Variants in ENTREP2 observed in about 807,000 individuals in gnomAD.
ENTREP2 encodes endosomal transmembrane epsin interactor 2.
the ENTREP2 span, among the ~76,000 whole-genome samples, chr15:29,378,513 T>A: frequency 6.6e-6 from 1 of 152,126 alleles, no homozygotes; most frequent in Non-Finnish European, 1.5e-5. Context: ...ACAAAGCAGA[T>A]TACCCTCCAT....
At chr15:29,399,428 T>C in the ENTREP2 span, among the ~76,000 whole-genome samples, 2 of 152,106 alleles carry the variant, frequency 1.3e-5, no homozygotes, top group African/African-American at 2.4e-5. Flanking sequence ...GTTATAAACA[T>C]TGGAAAGAAG....
the ENTREP2 span, chr15:29,123,568 G>C: frequency 3.2e-5 from 49 of 1,551,634 alleles, no homozygotes; most frequent in Non-Finnish European, 4.0e-5. Context: ...CTCTGGTGTT[G>C]GCCGTTGGTC....
the ENTREP2 span, among the ~76,000 whole-genome samples, chr15:29,657,170 C>G: frequency 5.3e-5 from 8 of 152,182 alleles, no homozygotes; most frequent in South Asian, 1.4e-3. Flanking sequence ...GCCTCCTCCT[C>G]CTGAGCAGCT....
At chr15:29,197,552 G>A in the ENTREP2 span, among the ~76,000 whole-genome samples, 1 of 152,190 alleles carries the variant, frequency 6.6e-6, no homozygotes, top group Admixed American at 6.5e-5. Flanking sequence ...CAGATCACAA[G>A]GTTAGGAGTT....
At chr15:29,596,813 C>T in the ENTREP2 span, among the ~76,000 whole-genome samples, 5 of 152,164 alleles carry the variant, frequency 3.3e-5, no homozygotes, top group African/African-American at 4.8e-5. Flanking sequence ...GGATTACAGG[C>T]GCCCGCTGCC....
the ENTREP2 span, among the ~76,000 whole-genome samples, chr15:29,176,809 C>G: frequency 6.6e-6 from 1 of 152,232 alleles, no homozygotes; most frequent in Non-Finnish European, 1.5e-5. Context: ...CCCTTCTCCT[C>G]CTACTCTGAT....
chr15:29,253,206 A>G, the ENTREP2 span, among the ~76,000 whole-genome samples: 2 of 152,224 alleles, frequency 1.3e-5, no homozygotes, highest in African/African-American at 4.8e-5. Flanking sequence ...AAGCAGGTCC[A>G]TGTGGTACAA....
chr15:29,578,907 G>A, the ENTREP2 span, among the ~76,000 whole-genome samples: 5 of 152,246 alleles, frequency 3.3e-5, no homozygotes, highest in Admixed American at 2.0e-4. Flanking sequence ...TTGAAGGAGG[G>A]TAATAAGGCT....
At chr15:29,280,816 G>A in the ENTREP2 span, among the ~76,000 whole-genome samples, 1 of 152,190 alleles carries the variant, frequency 6.6e-6, no homozygotes, top group Non-Finnish European at 1.5e-5. Context: ...GCCCCTTGAA[G>A]TTGGCAACAC....
the ENTREP2 span, among the ~76,000 whole-genome samples, chr15:29,198,199 A>C: frequency 1.3e-5 from 2 of 152,170 alleles, no homozygotes; most frequent in Non-Finnish European, 2.9e-5. Flanking sequence ...GTCAGCTTGC[A>C]GCTTCTGAAC....
At chr15:29,123,621 C>A in the ENTREP2 span, 1 of 1,550,760 alleles carries the variant, frequency 6.4e-7, no homozygotes, top group African/African-American at 1.4e-5. Flanking sequence ...AAAGCTGGGC[C>A]CGACAGGCAG....
the ENTREP2 span, among the ~76,000 whole-genome samples, chr15:29,441,245 G>A: frequency 1.3e-5 from 2 of 152,216 alleles, no homozygotes; most frequent in South Asian, 2.1e-4. Context: ...CTTCTGTGAG[G>A]TACCTACGGT....
chr15:29,658,176 T>A, the ENTREP2 span, among the ~76,000 whole-genome samples: 1 of 152,162 alleles, frequency 6.6e-6, no homozygotes, highest in African/African-American at 2.4e-5. Context: ...GTTTCCCCCA[T>A]CCTGTTCTTG....
the ENTREP2 span, among the ~76,000 whole-genome samples, chr15:29,132,514 C>G: frequency 2.0e-5 from 3 of 152,238 alleles, no homozygotes; most frequent in South Asian, 2.1e-4. Context: ...AGCTGGGGGT[C>G]TCCGAGCCAA....
chr15:29,495,403 T>C, the ENTREP2 span, among the ~76,000 whole-genome samples: 1 of 152,186 alleles, frequency 6.6e-6, no homozygotes, highest in African/African-American at 2.4e-5. Flanking sequence ...TATGGTGTAG[T>C]CCAATTATTT....
At chr15:29,257,940 G>A in the ENTREP2 span, among the ~76,000 whole-genome samples, 8 of 151,840 alleles carry the variant, frequency 5.3e-5, no homozygotes, top group Admixed American at 6.6e-5. Context: ...TGCTGGGCGC[G>A]GTGGCTCACA....
the ENTREP2 span, among the ~76,000 whole-genome samples, chr15:29,281,381 T>C: frequency 2.6e-5 from 4 of 152,168 alleles, no homozygotes; most frequent in Non-Finnish European, 5.9e-5. Context: ...GTGACCGAGC[T>C]CTGGCCAATG....
chr15:29,267,159 C>T, the ENTREP2 span: 2 of 152,190 alleles, frequency 1.3e-5, no homozygotes, highest in South Asian at 2.1e-4. Context: ...TATCACATTC[C>T]TCCATACTCA....
At chr15:29,415,135 C>T in the ENTREP2 span, among the ~76,000 whole-genome samples, 75 of 134,212 alleles carry the variant, frequency 5.6e-4, no homozygotes, top group African/African-American at 1.5e-3. Flanking sequence ...ACAGTGAATC[C>T]CCCCTAACTC....
Sources: allele counts gnomAD v4.1 joint callset (sites outside exome capture counted in the v4.1 genomes callset), GRCh38; gene constraint gnomAD v4.1.1; transcripts MANE v1.5; gene names NCBI Gene and HGNC (gene_info 2026-07-23, HGNC 2026-07-21).